PCDHGA2: variants seen among roughly 807,000 people sequenced by gnomAD.
PCDHGA2 encodes protocadherin gamma-A2.
In PCDHGA2, 40 loss-of-function variants were observed where a neutral mutation model predicts 59.2. That is an observed-to-expected ratio of 0.68 (90% CI 0.52 to 0.88). The LOEUF (loss-of-function observed/expected upper bound fraction) is 0.88, where lower values mean the gene tolerates loss of function less well. Ranked by LOEUF, PCDHGA2 falls within the 40% of genes least tolerant of loss-of-function variation. The pLI, the probability that PCDHGA2 is intolerant of heterozygous loss-of-function variation, is 0.00. For synonymous variants in PCDHGA2, 560 were observed against 526.0 expected, an observed-to-expected ratio of 1.06 and a Z score of -0.89; for missense variants, 1,226 against 1,204.0, an observed-to-expected ratio of 1.02 and a Z score of -0.27.
intron 1 of PCDHGA2, among the ~76,000 whole-genome samples, chr5:141,456,985 A>C (rs2098902590): frequency 6.6e-6 from 1 of 152,204 alleles, no homozygotes; most frequent in Non-Finnish European, 1.5e-5. Context: ...ACAAACAAAC[A>C]AACAAAAACT....
chr5:141,415,096 G>A (rs1398998410), intron 1 of PCDHGA2: 3 of 1,613,462 alleles, frequency 1.9e-6, no homozygotes, highest in Non-Finnish European at 2.5e-6. Flanking sequence ...GGACAGAGAC[G>A]CGCTCAAGCA....
rs200604016 is a variant in PCDHGA2, at chr5:141,345,466, A to T, written c.2424+4071A>T. On this transcript the variant is annotated intron_variant, in intron 1 of 3. Transcript: ENST00000394576. ...TCCATCTTCTCAGTGACAGCCCAGG[A>T]CCCAGATAGCAACAACAACGCCCGC... The T allele has an allele frequency of 8.5e-4, 1,364 of 1,614,074 alleles. 3 individuals carry two copies. The highest frequency in any genetic ancestry group is 1.0e-3 in the Non-Finnish European group (1,222 of 1,180,008).
chr5:141,356,964 G>A, intron 1 of PCDHGA2: 2 of 1,614,246 alleles, frequency 1.2e-6, no homozygotes, highest in Non-Finnish European at 1.7e-6. Context: ...GCTACCTGGT[G>A]ACCAAAGTGG....
At chr5:141,361,751 C>T (rs1762164495) in intron 1 of PCDHGA2, 2 of 1,613,064 alleles carry the variant, frequency 1.2e-6, no homozygotes, top group African/African-American at 1.3e-5. Flanking sequence ...GACCAGGGCT[C>T]GCCCGCGCTC....
rs2099613082 is a variant in PCDHGA2, at chr5:141,485,421, C to T, written c.2425-9386C>T. ...TTCCGTGTGGATTTGGACAGCGGAG[C>T]CCTGCTCATCAAGAACCCAATCGAC... On this transcript the variant is annotated intron_variant, in intron 1 of 3. Coordinates refer to ENST00000394576, the MANE Select transcript of PCDHGA2 (RefSeq NM_018915.4). The surrounding 1 kb of genome is among the most constrained non-coding windows in gnomAD (Gnocchi z 5.7). The T allele has an allele frequency of 6.2e-7, 1 of 1,614,112 alleles. No individual in the cohort carries two copies. Among genetic ancestry groups the T allele is most frequent in the Non-Finnish European group, 8.5e-7 (1 of 1,180,010 alleles).
At chr5:141,355,698 C>T (rs781213427) in intron 1 of PCDHGA2, 1 of 1,613,810 alleles carries the variant, frequency 6.2e-7, no homozygotes, top group Non-Finnish European at 8.5e-7. Flanking sequence ...GTGTAAACTC[C>T]CTGCAGGGTT....
chr5:141,346,620 C>A, intron 1 of PCDHGA2: 1 of 1,055,852 alleles, frequency 9.5e-7, no homozygotes, highest in Non-Finnish European at 1.4e-6. Context: ...TAGGACTGCA[C>A]TCCCCGGTCT....
chr5:141,356,422 A>G (rs1310371925), intron 1 of PCDHGA2: 1 of 1,606,490 alleles, frequency 6.2e-7, no homozygotes, highest in Non-Finnish European at 8.5e-7. Context: ...GTTGACACAC[A>G]GAACACTGGA....
chr5:141,395,310 A>T (rs752171326), intron 1 of PCDHGA2: 1 of 1,502,292 alleles, frequency 6.7e-7, no homozygotes, highest in African/African-American at 1.4e-5. Context: ...TTTGAAAAAC[A>T]TTGTGAAGAT....
At chr5:141,384,386 T>C in intron 1 of PCDHGA2, 1 of 1,613,954 alleles carries the variant, frequency 6.2e-7, no homozygotes, top group Non-Finnish European at 8.5e-7. Flanking sequence ...GAAGACACCA[T>C]CCAGGGGGCT....
At chr5:141,352,275 G>T in intron 1 of PCDHGA2, 1 of 1,614,086 alleles carries the variant, frequency 6.2e-7, no homozygotes, top group Non-Finnish European at 8.5e-7. Context: ...CCAGACCTCA[G>T]CGACCGCCCT....
chr5:141,393,412 T>A (rs1382243931), intron 1 of PCDHGA2: 3 of 1,614,032 alleles, frequency 1.9e-6, no homozygotes, highest in South Asian at 1.1e-5. Flanking sequence ...GAGCGCGCCC[T>A]GGACAGGGAG....
At chr5:141,404,635 A>C (rs2094549114) in intron 1 of PCDHGA2, 1 of 1,614,130 alleles carries the variant, frequency 6.2e-7, no homozygotes, top group Non-Finnish European at 8.5e-7. Context: ...ATGCCCCAGA[A>C]ATCCTGTACC....
At chr5:141,386,548 G>T (rs1264128780) in intron 1 of PCDHGA2, among the ~76,000 whole-genome samples, 1 of 151,902 alleles carries the variant, frequency 6.6e-6, no homozygotes, top group Non-Finnish European at 1.5e-5. Context: ...GTTGTATTTG[G>T]TAGTATTTTG....
At chr5:141,399,720 C>G (rs1217371004) in intron 1 of PCDHGA2, 2 of 1,613,306 alleles carry the variant, frequency 1.2e-6, no homozygotes, top group South Asian at 2.2e-5. Context: ...TACAGGCCCG[C>G]GACCAGGGCT....
chr5:141,432,560 A>C lies in PCDHGA2; in HGVS notation c.2425-62247A>C. The C allele has an allele frequency of 2.5e-6, 4 of 1,613,600 alleles. No individual in the cohort carries two copies. Among genetic ancestry groups the C allele is most frequent in the Non-Finnish European group, 3.4e-6 (4 of 1,179,962 alleles). ...GGCGGTGGACAGAGACTCCGGCCAG[A>C]ACGCCTGGCTGTCCTACCGTCTGCT... On this transcript the variant is annotated intron_variant, in intron 1 of 3. Transcript: ENST00000394576. The surrounding 1 kb of genome is among the most constrained non-coding windows in gnomAD (Gnocchi z 6.0).
At chr5:141,379,815 T>C (rs1489145506) in intron 1 of PCDHGA2, among the ~76,000 whole-genome samples, 2 of 150,388 alleles carry the variant, frequency 1.3e-5, no homozygotes, top group South Asian at 2.1e-4. Context: ...GAGTTCAGTA[T>C]AGAATTTTGA....
intron 1 of PCDHGA2, chr5:141,423,300 G>A (rs1293301567): frequency 2.5e-6 from 4 of 1,614,028 alleles, no homozygotes; most frequent in African/African-American, 1.3e-5. Context: ...CAGACCTCTC[G>A]CTGTACTTGG....
At chr5:141,350,579 G>T (rs1172761775) in intron 1 of PCDHGA2, 3 of 1,614,024 alleles carry the variant, frequency 1.9e-6, no homozygotes, top group Admixed American at 1.7e-5. Flanking sequence ...CGAAACGGTC[G>T]CTGAAAACCC....
Sources: allele counts gnomAD v4.1 joint callset (sites outside exome capture counted in the v4.1 genomes callset), GRCh38; gene constraint gnomAD v4.1.1; non-coding constraint Gnocchi (gnomAD v3.1); transcripts MANE v1.5; gene names NCBI Gene and HGNC (gene_info 2026-07-23, HGNC 2026-07-21).